Variants in EBF1 observed in about 807,000 individuals in gnomAD.
The protein encoded by EBF1 is EBF transcription factor 1.
Under a neutral mutation model 68.4 loss-of-function variants are expected in EBF1, and 10 were observed. The observed-to-expected ratio is 0.15, with a 90% CI of 0.09 to 0.25. The LOEUF (loss-of-function observed/expected upper bound fraction) is 0.25. EBF1 is among the 10% of genes least tolerant of loss of function. EBF1 has a pLI of 1.00. For synonymous variants in EBF1, 298 were observed against 299.8 expected (o/e 0.99, Z 0.06); for missense variants, 509 against 794.4 (o/e 0.64, Z 4.32).
intron 15 of EBF1, among the ~76,000 whole-genome samples, chr5:158,699,818 T>C (rs550600892): frequency 1.6e-4 from 25 of 152,274 alleles, no homozygotes; most frequent in Non-Finnish European, 2.9e-4. Flanking sequence ...TGACCATATT[T>C]CCTAGAAAAC....
intron 10 of EBF1, among the ~76,000 whole-genome samples, chr5:158,738,634 C>A: frequency 6.6e-6 from 1 of 152,056 alleles, no homozygotes; most frequent in East Asian, 1.9e-4. Flanking sequence ...TACAATATGC[C>A]CTTGACGTAA....
chr5:159,079,659 T>C (rs1413715725), intron 5 of EBF1, among the ~76,000 whole-genome samples: 1 of 147,814 alleles, frequency 6.8e-6, no homozygotes, highest in Non-Finnish European at 1.5e-5. Context: ...TCACCCAGGC[T>C]GGAGTGCAGT....
At chr5:158,948,792 G>T (rs892725185) in intron 6 of EBF1, among the ~76,000 whole-genome samples, 2 of 152,304 alleles carry the variant, frequency 1.3e-5, no homozygotes, top group Middle Eastern at 3.4e-3. Flanking sequence ...GCTCTCGATG[G>T]TTATCGACAT....
At chr5:158,981,504 T>C (rs1757897322) in intron 6 of EBF1, among the ~76,000 whole-genome samples, 4 of 152,162 alleles carry the variant, frequency 2.6e-5, no homozygotes, top group Admixed American at 2.6e-4. Flanking sequence ...ATAGAGCTAA[T>C]AAACAAACAC....
intron 6 of EBF1, among the ~76,000 whole-genome samples, chr5:158,954,457 T>C (rs1484412927): frequency 6.6e-6 from 1 of 152,256 alleles, no homozygotes; most frequent in Non-Finnish European, 1.5e-5. Context: ...AGTTGTGCCA[T>C]GAGAATAAAT....
chr5:158,853,902 T>C lies in EBF1; in HGVS notation c.555-13792A>G, dbSNP rs562736371. Among the ~76,000 whole-genome samples, 8 of 152,268 alleles carry C rather than the reference T, an allele frequency of 5.3e-5. No individual in the cohort carries two copies. In the East Asian group the frequency reaches 7.7e-4, roughly 15 times the overall value. On this transcript the variant is annotated intron_variant, in intron 6 of 15. Coordinates refer to ENST00000313708, the MANE Select transcript of EBF1 (RefSeq NM_024007.5). ...TACAGAGCCCAGGAAGGTCAATCAATGAGTGAACTAGGCTGCATGTAAAAC... is the reference window on the plus strand; with the variant it reads ...TACAGAGCCCAGGAAGGTCAATCAACGAGTGAACTAGGCTGCATGTAAAAC...
intron 6 of EBF1, among the ~76,000 whole-genome samples, chr5:159,023,509 G>A (rs911110922): frequency 7.9e-5 from 12 of 152,056 alleles, no homozygotes; most frequent in South Asian, 4.1e-4. Context: ...TGTGTTCCAC[G>A]GTCTGAAAAC....
chr5:158,864,304 G>A (rs540467492), intron 6 of EBF1, among the ~76,000 whole-genome samples: 2 of 148,442 alleles, frequency 1.3e-5, no homozygotes, highest in African/African-American at 5.0e-5. Flanking sequence ...TAAACTAACC[G>A]AGATCTGACA....
At chr5:158,719,157 A>C (rs1033924480) in intron 11 of EBF1, among the ~76,000 whole-genome samples, 1 of 152,106 alleles carries the variant, frequency 6.6e-6, no homozygotes, top group Non-Finnish European at 1.5e-5. Flanking sequence ...CCAATATATA[A>C]ATTCCCAAAG....
intron 6 of EBF1, among the ~76,000 whole-genome samples, chr5:158,945,194 T>C (rs573346610): frequency 3.9e-5 from 6 of 152,362 alleles, no homozygotes; most frequent in East Asian, 3.9e-4. Flanking sequence ...CTAGGGTTTT[T>C]ATGGTTTTAG....
intron 6 of EBF1, among the ~76,000 whole-genome samples, chr5:159,009,435 C>A (rs1764200524): frequency 6.6e-6 from 1 of 152,174 alleles, no homozygotes; most frequent in African/African-American, 2.4e-5. Context: ...AGCCAGTTAA[C>A]AATAAAATAT....
chr5:158,823,426 A>G (rs1785303892), intron 7 of EBF1, 109 bp from the exon 8 acceptor site: 2 of 1,017,104 alleles, frequency 2.0e-6, no homozygotes, highest in Non-Finnish European at 2.8e-6. Flanking sequence ...TTGCATAGCT[A>G]TTTCACATAA....
chr5:158,846,004 G>A (rs1233344609), intron 6 of EBF1, among the ~76,000 whole-genome samples: 2 of 152,226 alleles, frequency 1.3e-5, no homozygotes, highest in African/African-American at 2.4e-5. Flanking sequence ...CTCTCATAAT[G>A]TCCATGCTAG....
chr5:158,994,233 G>A (rs1280574575), intron 6 of EBF1, among the ~76,000 whole-genome samples: 1 of 152,152 alleles, frequency 6.6e-6, no homozygotes, highest in Non-Finnish European at 1.5e-5. Context: ...GAAAGACAAA[G>A]GGGAAACTCC....
chr5:158,710,868 T>G (rs993927135), intron 14 of EBF1, among the ~76,000 whole-genome samples: 59 of 152,216 alleles, frequency 3.9e-4, no homozygotes, highest in African/African-American at 1.3e-3. Context: ...TCCACAAATA[T>G]CTAAGAGTTT....
Position 158,699,162 on chromosome 5 carries a change from A to C in EBF1, c.1745-20T>G, listed in dbSNP as rs1290895044. ...ATATCGCTATGAAAGAAAAGACAGA[A>C]GTCAATGGTTTCTTTGCGTTCAAAC... On this transcript the variant is annotated intron_variant, in intron 15 of 15. Coordinates refer to ENST00000313708, the MANE Select transcript of EBF1 (RefSeq NM_024007.5). The C allele has an allele frequency of 3.7e-6, 6 of 1,601,448 alleles. No homozygotes were observed. The highest frequency in any genetic ancestry group is 5.1e-6 in the Non-Finnish European group (6 of 1,175,496).
chr5:158,894,665 A>G (rs566563286), intron 6 of EBF1, among the ~76,000 whole-genome samples: 4 of 152,336 alleles, frequency 2.6e-5, no homozygotes, highest in South Asian at 4.1e-4. Flanking sequence ...AAGAGCAGGA[A>G]GTGTGGCAGA....
chr5:158,965,597 G>C (rs1317172748), intron 6 of EBF1, among the ~76,000 whole-genome samples: 2 of 152,168 alleles, frequency 1.3e-5, no homozygotes, highest in Non-Finnish European at 2.9e-5. Context: ...TGTGGCATTT[G>C]AGTTTATAAC....
At chr5:159,073,368 A>T (rs1778173089) in intron 6 of EBF1, 28 bp downstream of exon 6, 7 of 1,610,024 alleles carry the variant, frequency 4.3e-6, no homozygotes, top group Non-Finnish European at 6.0e-6. Flanking sequence ...GAGGAATAAG[A>T]ATCCAGTGAA....
Sources: gnomAD v4.1 joint callset for allele counts (sites outside exome capture counted in the v4.1 genomes callset) on GRCh38, gnomAD v4.1.1 for gene constraint, MANE v1.5 for transcripts, NCBI Gene and HGNC (gene_info 2026-07-23, HGNC 2026-07-21) for gene names.